GATAD2B: variants seen among roughly 807,000 people sequenced by gnomAD.
GATAD2B encodes the protein GATA zinc finger domain containing 2B.
A neutral mutation model predicts 64.3 loss-of-function variants in GATAD2B; 8 were observed. That is an observed-to-expected ratio of 0.12 (90% confidence interval 0.07 to 0.22). GATAD2B has a LOEUF of 0.22. Ranked by LOEUF, GATAD2B falls within the 10% of genes least tolerant of loss-of-function variation. GATAD2B has a pLI of 1.00. For missense variants in GATAD2B, 453 were observed against 752.0 expected (o/e 0.60, Z 4.65); for synonymous variants, 281 against 271.3 (o/e 1.04, Z -0.35).
chr1:153,822,848 TG>T (rs1225876372), intron 2 of GATAD2B, among the ~76,000 whole-genome samples: 2 of 152,192 alleles, frequency 1.3e-5, no homozygotes, highest in Non-Finnish European at 1.5e-5. Context: ...GGTCTCACTC[TG>T]TCACCCAGGA....
At chr1:153,891,676 G>C (rs937726067) in intron 1 of GATAD2B, among the ~76,000 whole-genome samples, 1 of 126,734 alleles carries the variant, frequency 7.9e-6, no homozygotes, top group African/African-American at 2.9e-5. Flanking sequence ...GGGGGGGGAG[G>C]GGAGGGAAAA....
At chr1:153,827,118 G>T (rs1322138646) in intron 2 of GATAD2B, among the ~76,000 whole-genome samples, 2 of 148,852 alleles carry the variant, frequency 1.3e-5, no homozygotes, top group African/African-American at 5.0e-5. Flanking sequence ...GGTGGGATGT[G>T]CCTGTAGTCC....
rs535746125 is a variant in GATAD2B at position 153,890,210 on chromosome 1, C to T, written c.-2+32523G>A. ...AAGAAAAAAAAAGAAAGATAAGAGG[C>T]CTGGTGTGGTGGCTCACACCTGTAA... On this transcript the variant is annotated intron_variant, in intron 1 of 10. Coordinates refer to ENST00000368655, the MANE Select transcript of GATAD2B (RefSeq NM_020699.4). Among the ~76,000 whole-genome samples the T allele has an allele frequency of 2.0e-5, 3 of 150,220 alleles. No individual in the cohort carries two copies. The South Asian group carries it at 6.3e-4, about 32-fold the overall frequency.
intron 1 of GATAD2B, among the ~76,000 whole-genome samples, chr1:153,905,652 C>A (rs1465302140): frequency 6.6e-6 from 1 of 151,400 alleles, no homozygotes; most frequent in South Asian, 2.1e-4. Flanking sequence ...AGTGTGGTAG[C>A]CCGGCATAGT....
At chr1:153,838,714 G>A (rs905155940) in intron 1 of GATAD2B, among the ~76,000 whole-genome samples, 1 of 152,150 alleles carries the variant, frequency 6.6e-6, no homozygotes, top group Non-Finnish European at 1.5e-5. Flanking sequence ...AGGAGTTGGT[G>A]ACTTAGATTT....
At chr1:153,857,771 CATCA>C (rs1401844012) in intron 1 of GATAD2B, among the ~76,000 whole-genome samples, 1 of 152,132 alleles carries the variant, frequency 6.6e-6, no homozygotes, top group East Asian at 1.9e-4. Flanking sequence ...CCACAGGAGA[CATCA>C]ATCAGCCAGA....
intron 1 of GATAD2B, among the ~76,000 whole-genome samples, chr1:153,841,713 T>C (rs1675501542): frequency 1.3e-5 from 2 of 152,328 alleles, no homozygotes; most frequent in African/African-American, 2.4e-5. Flanking sequence ...TCTGAGTTGT[T>C]TTCCGTTTTT....
chr1:153,816,035 A>G lies in GATAD2B; in HGVS notation c.1216+238T>C, dbSNP rs1377112844. Among the ~76,000 whole-genome samples, 1 of 149,090 alleles carries G rather than the reference A, an allele frequency of 6.7e-6. No homozygotes were observed. Among genetic ancestry groups the G allele is most frequent in the Non-Finnish European group, 1.5e-5 (1 of 67,514 alleles). ...GCCACTGCACTCCAGCCTGGGCAACAGAGCGAGACTGCATCTCAAACAAAA... is the reference window on the plus strand; with the variant it reads ...GCCACTGCACTCCAGCCTGGGCAACGGAGCGAGACTGCATCTCAAACAAAA... On this transcript the variant is annotated intron_variant, in intron 7 of 10. Transcript: ENST00000368655. This position sits in a 1 kb window ranked among gnomAD's most constrained non-coding sequence, Gnocchi z 4.9.
In GATAD2B at chr1:153,897,992, G is replaced by GA. The variant is rs1364485794; in HGVS notation, c.-2+24740dup. Reference sequence around the variant, plus strand: ...GAGACCCTGTCTCAAAAAACAAACAGAAAAAAAAAAACAAAAAAAAAAAAA... The same window carrying GA: ...GAGACCCTGTCTCAAAAAACAAACAGAAAAAAAAAAAACAAAAAAAAAAAAA... On this transcript the variant is annotated intron_variant, in intron 1 of 10. Transcript: ENST00000368655. Among the ~76,000 whole-genome samples, 472 of 70,620 alleles carry GA rather than the reference G, an allele frequency of 6.7e-3. 4 individuals carry two copies. Among genetic ancestry groups the GA allele is most frequent in the African/African-American group, 0.018 (325 of 17,590 alleles). 46.3% of individuals were successfully genotyped at this position (70,620 alleles called of 152,430 possible). A position where few individuals can be genotyped will look rare whatever the true frequency, so the allele number is the denominator to read the frequency against.
intron 1 of GATAD2B, among the ~76,000 whole-genome samples, chr1:153,909,705 G>GC (rs1678056800): frequency 6.6e-6 from 1 of 150,858 alleles, no homozygotes; most frequent in Non-Finnish European, 1.5e-5. Context: ...GACTGAGGGG[G>GC]CGGGGGGGCA....
At chr1:153,852,392 G>C in intron 1 of GATAD2B, 1 of 810,496 alleles carries the variant, frequency 1.2e-6, no homozygotes, top group Non-Finnish European at 2.2e-6. Flanking sequence ...GCCTGACCTT[G>C]GATGTTCTGT....
chr1:153,843,181 C>T (rs1050006932), intron 1 of GATAD2B, among the ~76,000 whole-genome samples: 1 of 151,722 alleles, frequency 6.6e-6, no homozygotes, highest in African/African-American at 2.4e-5. Flanking sequence ...GTTGCCCAGG[C>T]TGGAATGCAG....
intron 1 of GATAD2B, among the ~76,000 whole-genome samples, chr1:153,855,665 C>G (rs1676059450): frequency 6.6e-6 from 1 of 151,968 alleles, no homozygotes; most frequent in Admixed American, 6.6e-5. Context: ...ATGAGTATGG[C>G]TCCTACTTAT....
At chr1:153,891,574 TAAA>T (rs1163572311) in intron 1 of GATAD2B, among the ~76,000 whole-genome samples, 7 of 19,942 alleles carry the variant, frequency 3.5e-4, no homozygotes, top group Non-Finnish European at 5.8e-4. Context: ...CTGTCTCGTT[TAAA>T]AAAAAAAAAA....
At chr1:153,878,705 T>G (rs1003152480) in intron 1 of GATAD2B, among the ~76,000 whole-genome samples, 1 of 151,962 alleles carries the variant, frequency 6.6e-6, no homozygotes, top group African/African-American at 2.4e-5. Context: ...GTGCTGTTAT[T>G]CTGAATGGTC....
At chr1:153,888,563 G>T (rs1400374058) in intron 1 of GATAD2B, among the ~76,000 whole-genome samples, 2 of 152,122 alleles carry the variant, frequency 1.3e-5, no homozygotes, top group Non-Finnish European at 2.9e-5. Context: ...TTCTTTTTAG[G>T]CAAGTCACAA....
intron 1 of GATAD2B, among the ~76,000 whole-genome samples, chr1:153,901,874 GT>G (rs1677786853): frequency 6.7e-6 from 1 of 149,254 alleles, no homozygotes; most frequent in Non-Finnish European, 1.5e-5. Flanking sequence ...AATGGCCCTG[GT>G]GTCTACAGCC....
chr1:153,816,672 A>G lies in GATAD2B; in HGVS notation c.901-84T>C, dbSNP rs1300600320. On this transcript the variant is annotated intron_variant, in intron 6 of 10. Transcript: ENST00000368655. This position sits in a 1 kb window ranked among gnomAD's most constrained non-coding sequence, Gnocchi z 4.9. ...CGTTCTTGGCAGAGGACACTGTCTG[A>G]TCCTGGTTTGGACTACTTAGCTTCT... The G allele has an allele frequency of 4.5e-6, 4 of 898,092 alleles. No homozygotes were observed. The highest frequency in any genetic ancestry group is 6.9e-6 in the Non-Finnish European group (4 of 576,496). 55.6% of individuals were successfully genotyped at this position (898,092 alleles called of 1,614,324 possible).
intron 1 of GATAD2B, among the ~76,000 whole-genome samples, chr1:153,903,319 C>T (rs1453527994): frequency 6.6e-6 from 1 of 151,940 alleles, no homozygotes; most frequent in East Asian, 1.9e-4. Context: ...TATCATTTTT[C>T]GAGACAATAG....
Sources: allele counts gnomAD v4.1 joint callset (sites outside exome capture counted in the v4.1 genomes callset), GRCh38; gene constraint gnomAD v4.1.1; non-coding constraint Gnocchi (gnomAD v3.1); transcripts MANE v1.5; gene names NCBI Gene and HGNC (gene_info 2026-07-23, HGNC 2026-07-21).